CAMSAP2: variants seen among roughly 807,000 people sequenced by gnomAD.
CAMSAP2 encodes the protein calmodulin-regulated spectrin-associated protein 2.
CAMSAP2 carries 26 observed loss-of-function variants against 146.1 expected under a neutral mutation model. That is an observed-to-expected ratio of 0.18 (90% CI 0.13 to 0.25). CAMSAP2 has a LOEUF of 0.25. CAMSAP2 is among the 10% of genes least tolerant of loss of function. The pLI, the probability that CAMSAP2 is intolerant of heterozygous loss-of-function variation, is 1.00. For missense variants in CAMSAP2, 1,381 were observed against 1,759.3 expected (o/e 0.78, Z 3.85); for synonymous variants, 499 against 596.6 (o/e 0.84, Z 2.38).
At chr1:200,780,397 A>G (rs765902193) in intron 2 of CAMSAP2, among the ~76,000 whole-genome samples, 2 of 152,164 alleles carry the variant, frequency 1.3e-5, no homozygotes, top group Non-Finnish European at 2.9e-5. Flanking sequence ...TTATGTAGGT[A>G]GGAGCATTTA....
At chr1:200,850,362 C>A in intron 11 of CAMSAP2, 128 bp downstream of exon 11, 1 of 746,362 alleles carries the variant, frequency 1.3e-6, no homozygotes, top group Non-Finnish European at 2.1e-6. Flanking sequence ...AGTTCATCCC[C>A]ATTAACTATA....
chr1:200,794,455 G>C (rs151105250), intron 2 of CAMSAP2, among the ~76,000 whole-genome samples: 313 of 152,300 alleles, frequency 2.1e-3, no homozygotes, highest in African/African-American at 6.7e-3. Flanking sequence ...ATGTTATTTA[G>C]AAACCATGAT....
rs746759895 is a variant in CAMSAP2, at chr1:200,857,300, C to A, written c.4013-6C>A. ...TTTTATTATTGTTGTTAAATCCCTA[C>A]CATAGGACCAAAGCTCTACAAAGAA... On this transcript the variant is annotated splice_polypyrimidine_tract_variant and splice_region_variant and intron_variant, in intron 15 of 16. Coordinates refer to ENST00000358823, the MANE Select transcript of CAMSAP2 (RefSeq NM_203459.4). The surrounding 1 kb of genome is among the most constrained non-coding windows in gnomAD (Gnocchi z 4.7). 10 of 1,550,206 alleles carry A rather than the reference C, an allele frequency of 6.5e-6. No homozygotes were observed. In the Admixed American group the frequency reaches 1.7e-4, roughly 26 times the overall value.
chr1:200,814,131 C>CG (rs1325891199), intron 3 of CAMSAP2, among the ~76,000 whole-genome samples: 40 of 14,292 alleles, frequency 2.8e-3, no homozygotes, highest in Middle Eastern at 0.031. Context: ...AAAAAGGTGG[C>CG]GGGGGGAGGG....
Position 200,820,927 on chromosome 1 carries a change from AT to A in CAMSAP2, c.645+5287del, listed in dbSNP as rs1239213701. On this transcript the variant is annotated intron_variant, in intron 4 of 16. Coordinates refer to ENST00000358823, the MANE Select transcript of CAMSAP2 (RefSeq NM_203459.4). ...AGAAAACGGTAATTTTTAACGTATAATTTTGTACTTAAGTTGTCTATTTAAT... is the reference window on the plus strand; with the variant it reads ...AGAAAACGGTAATTTTTAACGTATAATTTGTACTTAAGTTGTCTATTTAAT... 1.1e-4 allele frequency among the ~76,000 whole-genome samples: 17 copies of A among 152,260 alleles called. No homozygotes were observed. The East Asian group carries it at 2.5e-3, about 22-fold the overall frequency.
At chr1:200,776,672 C>T (rs961901782) in intron 2 of CAMSAP2, among the ~76,000 whole-genome samples, 4 of 151,706 alleles carry the variant, frequency 2.6e-5, no homozygotes, top group South Asian at 4.2e-4. Flanking sequence ...TGCAGTGAGC[C>T]GAGATTGTGC....
intron 2 of CAMSAP2, among the ~76,000 whole-genome samples, chr1:200,802,716 T>C (rs1558183832): frequency 6.6e-6 from 1 of 152,198 alleles, no homozygotes. Context: ...GATACAAGAA[T>C]AGTAAAAGCC....
intron 4 of CAMSAP2, among the ~76,000 whole-genome samples, chr1:200,816,024 G>A (rs78111816): frequency 0.048 from 7,351 of 152,242 alleles, 311 homozygotes; most frequent in East Asian, 0.19. Context: ...CACTGGGTGC[G>A]ATGGCTCACG....
intron 2 of CAMSAP2, among the ~76,000 whole-genome samples, chr1:200,798,178 C>A (rs1665937780): frequency 1.3e-5 from 2 of 150,146 alleles, no homozygotes; most frequent in South Asian, 4.3e-4. Flanking sequence ...TCCATATGAA[C>A]TTTAGTTTTT....
intron 10 of CAMSAP2, 137 bp from the exon 11 acceptor site, chr1:200,847,895 T>C: frequency 1.3e-6 from 1 of 784,552 alleles, no homozygotes; most frequent in Non-Finnish European, 2.0e-6. Context: ...TAGATAGCCC[T>C]CCCCTTACCT....
chr1:200,771,200 G>C (rs777756992), intron 2 of CAMSAP2, among the ~76,000 whole-genome samples: 1 of 152,062 alleles, frequency 6.6e-6, no homozygotes, highest in Non-Finnish European at 1.5e-5. Context: ...CCTGACTAAA[G>C]CATTATTTTC....
chr1:200,788,921 G>A (rs578022699), intron 2 of CAMSAP2, among the ~76,000 whole-genome samples: 4 of 151,878 alleles, frequency 2.6e-5, no homozygotes, highest in Non-Finnish European at 5.9e-5. Context: ...CAAAGTGCTG[G>A]AAATACAGTC....
At chr1:200,781,964 AT>A (rs1235942429) in intron 2 of CAMSAP2, among the ~76,000 whole-genome samples, 3 of 152,166 alleles carry the variant, frequency 2.0e-5, no homozygotes, top group Admixed American at 6.5e-5. Flanking sequence ...TTCCTAATTT[AT>A]TTCCTTTAAG....
chr1:200,847,405 G>A (rs989570716), intron 9 of CAMSAP2, 113 bp downstream of exon 9: 2 of 802,896 alleles, frequency 2.5e-6, no homozygotes, highest in Non-Finnish European at 3.9e-6. Flanking sequence ...GTGTGTGTGT[G>A]TGTGTTTTTT....
At chr1:200,841,525 C>T (rs141168864) in intron 6 of CAMSAP2, among the ~76,000 whole-genome samples, 2,828 of 152,256 alleles carry the variant, frequency 0.019, 53 homozygotes, top group Non-Finnish European at 0.024. Flanking sequence ...GGGTTACAGG[C>T]GTGAGTCACC....
chr1:200,850,051 A>C lies in CAMSAP2; in HGVS notation c.3282A>C (p.Thr1094=). The change falls in exon 11 of 17, where the codon ACA becomes ACC. Residue 1094 remains threonine, a synonymous_variant. Transcript: ENST00000358823. ...ATGAGGACCAATTGAATCAACCCAC[A>C]GAACCCCCTCCTAAACCCGTTTTCC... is the stretch of plus-strand genomic sequence containing the variant. ...TPNEDQLNQP[T]EPPPKPVFPP... is the part of the protein sequence containing the mutation. The C allele has an allele frequency of 6.2e-7, 1 of 1,612,294 alleles. No homozygotes were observed. Among genetic ancestry groups the C allele is most frequent in the Non-Finnish European group, 8.5e-7 (1 of 1,179,186 alleles).
At position 200,850,019 on chromosome 1, in the gene CAMSAP2, A is replaced by C; in HGVS notation, c.3250A>C (p.Thr1084Pro). Residue 1084 changes from threonine (T) to proline (P), a missense_variant, in exon 11 of 17, where the codon ACA becomes CCA. Thr to Pro is a conservative substitution (Grantham distance 38). Coordinates refer to ENST00000358823, the MANE Select transcript of CAMSAP2 (RefSeq NM_203459.4). ...SLPVTETVCL[T>P]PNEDQLNQPT... ...GCCTGTCACAGAGACTGTATGTCTG[A>C]CACCAAATGAGGACCAATTGAATCA... The C allele has an allele frequency of 6.2e-7, 1 of 1,613,766 alleles. No homozygotes were observed. Among genetic ancestry groups the C allele is most frequent in the Non-Finnish European group, 8.5e-7 (1 of 1,179,848 alleles).
At chr1:200,763,425 G>A (rs1253752123) in intron 2 of CAMSAP2, among the ~76,000 whole-genome samples, 6 of 152,058 alleles carry the variant, frequency 3.9e-5, no homozygotes, top group Admixed American at 3.9e-4. Context: ...TGTAGTCCCA[G>A]TTACTCGGGA....
intron 2 of CAMSAP2, among the ~76,000 whole-genome samples, chr1:200,802,603 A>T (rs1666063529): frequency 6.6e-6 from 1 of 152,160 alleles, no homozygotes; most frequent in South Asian, 2.1e-4. Context: ...TTCCTCTTAA[A>T]TACCTGTGGG....
Sources: gnomAD v4.1 joint callset for allele counts (sites outside exome capture counted in the v4.1 genomes callset) on GRCh38, gnomAD v4.1.1 for gene constraint, Gnocchi (gnomAD v3.1) non-coding constraint, MANE v1.5 for transcripts, NCBI Gene and HGNC (gene_info 2026-07-23, HGNC 2026-07-21) for gene names.